MLX: variants seen among roughly 807,000 people sequenced by gnomAD.
MLX encodes the protein max-like protein X.
MLX carries 15 observed loss-of-function variants against 33.0 expected under a neutral mutation model. That is an observed-to-expected ratio of 0.45 (90% CI 0.30 to 0.70). MLX has a LOEUF of 0.70. Among genes scored for constraint, MLX ranks in the 30% least tolerant of loss-of-function variants. The pLI, the probability that MLX is intolerant of heterozygous loss-of-function variation, is 0.07. For missense variants in MLX, 285 were observed against 306.3 expected (o/e 0.93, Z 0.52); for synonymous variants, 115 against 115.6 (o/e 0.99, Z 0.03).
At chr17:42,567,448 CG>C in intron 1 of MLX, 170 bp from the exon 2 acceptor site, 3 of 1,386,522 alleles carry the variant, frequency 2.2e-6, no homozygotes, top group Non-Finnish European at 9.7e-7. Context: ...GTGCCAGTCT[CG>C]GGGGACTCAT....
At chr17:42,568,416 G>A in intron 2 of MLX, 54 bp from the exon 3 acceptor site, 1 of 1,258,902 alleles carries the variant, frequency 7.9e-7, no homozygotes, top group African/African-American at 1.5e-5. Flanking sequence ...GTGTCTGAGG[G>A]TCTGGCAATG....
intron 7 of MLX, 64 bp downstream of exon 7, chr17:42,570,247 C>A: frequency 6.5e-7 from 1 of 1,527,956 alleles, no homozygotes; most frequent in Non-Finnish European, 9.0e-7. Context: ...GTGGCCCAAG[C>A]CATCAGCTGT....
At chr17:42,569,788 G>A in intron 6 of MLX, 182 bp downstream of exon 6, 2 of 716,908 alleles carry the variant, frequency 2.8e-6, no homozygotes, top group East Asian at 2.7e-5. Context: ...GGAAATGCCT[G>A]TTGGATTAAT....
Position 42,572,513 on chromosome 17 carries a change from G to A in MLX, c.*910G>A. On this transcript the variant is annotated 3_prime_UTR_variant, in exon 8 of 8. Transcript: ENST00000435881. ...AAAGATACTTAAAAGGGCTCCTGGG[G>A]TACACAAGCCCAGCAGGTCCTGAGT... is the stretch of plus-strand genomic sequence containing the variant. The A allele has an allele frequency of 8.8e-6, 4 of 454,406 alleles. No homozygotes were observed. Among genetic ancestry groups the A allele is most frequent in the Non-Finnish European group, 1.8e-5 (4 of 226,724 alleles). The allele number at this position is 454,406 out of a possible 1,614,324, so 28.1% of individuals were successfully genotyped here.
intron 4 of MLX, 116 bp from the exon 5 acceptor site, chr17:42,569,087 AG>A: frequency 7.8e-7 from 1 of 1,277,784 alleles, no homozygotes; most frequent in South Asian, 1.2e-5. Flanking sequence ...CCTCCCTTGC[AG>A]CCTTCCCACC....
In MLX at chr17:42,570,267, C is replaced by T. The variant is rs974787117; in HGVS notation, c.678+84C>T. ...CCAAGCCATCAGCTGTTGAGAAAAG[C>T]GTGGCAGCTGCTTTTAGATCTTAAG... On this transcript the variant is annotated intron_variant, in intron 7 of 7. Coordinates refer to ENST00000435881, the MANE Select transcript of MLX (RefSeq NM_198204.2). The T allele has an allele frequency of 2.2e-5, 30 of 1,361,802 alleles. No individual in the cohort carries two copies. The Middle Eastern group carries it at 1.0e-3, about 46-fold the overall frequency. The allele number at this position is 1,361,802 out of a possible 1,614,324, so 84.4% of individuals were successfully genotyped here.
In MLX at chr17:42,573,063, G is replaced by T; in HGVS notation, c.*1460G>T. ...AGACAAGTGAATGAGATGTCACCAGGATAAGACCACAGGGAAGCAAAGAAG... is the reference window on the plus strand; with the variant it reads ...AGACAAGTGAATGAGATGTCACCAGTATAAGACCACAGGGAAGCAAAGAAG... On this transcript the variant is annotated 3_prime_UTR_variant, in exon 8 of 8. Coordinates refer to ENST00000435881, the MANE Select transcript of MLX (RefSeq NM_198204.2). The T allele has an allele frequency of 6.2e-7, 1 of 1,614,132 alleles. No individual in the cohort carries two copies. Among genetic ancestry groups the T allele is most frequent in the South Asian group, 1.1e-5 (1 of 91,080 alleles).
chr17:42,569,413 A>C, intron 5 of MLX, 94 bp from the exon 6 acceptor site: 1 of 1,488,882 alleles, frequency 6.7e-7, no homozygotes, highest in Non-Finnish European at 9.4e-7. Flanking sequence ...GCCATGGGAT[A>C]GTTGGGGTCT....
chr17:42,569,385 G>A (rs544151222), intron 5 of MLX, 82 bp downstream of exon 5: 79 of 1,522,736 alleles, frequency 5.2e-5, no homozygotes, highest in South Asian at 9.0e-5. Context: ...CCCATGGCTC[G>A]GCCTTGGTGT....
intron 4 of MLX, 23 bp downstream of exon 4, chr17:42,568,966 C>A: frequency 1.3e-6 from 2 of 1,591,210 alleles, no homozygotes; most frequent in Non-Finnish European, 1.7e-6. Context: ...GCCTGTGCCT[C>A]AGCCAGTGCG....
chr17:42,567,289 G>C, intron 1 of MLX, 123 bp downstream of exon 1: 1 of 1,361,810 alleles, frequency 7.3e-7, no homozygotes, highest in Non-Finnish European at 9.5e-7. Flanking sequence ...CCGTGCCCCG[G>C]GGCTGCAGAG....
chr17:42,567,894 A>T, intron 2 of MLX: 1 of 591,380 alleles, frequency 1.7e-6, no homozygotes, highest in Admixed American at 3.0e-5. Flanking sequence ...GGAGCAGCTG[A>T]TCACTCACAC....
intron 2 of MLX, chr17:42,567,889 A>G (rs2093015251): frequency 1.7e-6 from 1 of 590,812 alleles, no homozygotes; most frequent in Non-Finnish European, 3.0e-6. Context: ...TCAGTGGAGC[A>G]GCTGATCACT....
Position 42,570,109 on chromosome 17 carries a change from T to G in MLX, c.604T>G (p.Ser202Ala). 6.2e-7 allele frequency: 1 copy of G among 1,614,104 alleles called. No individual in the cohort carries two copies. The highest frequency in any genetic ancestry group is 8.5e-7 in the Non-Finnish European group (1 of 1,180,014). Residue 202 changes from serine to alanine, a missense_variant, in exon 7 of 8, where the codon TCC becomes GCC. Ser to Ala is a moderately conservative substitution (Grantham distance 99). Transcript: ENST00000435881. ...TTCCCTGTTCCAGTCCTTCAATGCC[T>G]CCATCTCAGTGGCCAGCTTCCAGGA... is the stretch of plus-strand genomic sequence containing the variant. ...MDSLFQSFNA[S>A]ISVASFQELS...
Position 42,571,545 on chromosome 17 carries a change from A to G in MLX, c.679-2A>G. The G allele has an allele frequency of 6.2e-7, 1 of 1,614,180 alleles. No individual in the cohort carries two copies. Among genetic ancestry groups the G allele is most frequent in the Non-Finnish European group, 8.5e-7 (1 of 1,180,022 alleles). ...TATTTCTTCCTCTGCTGCCCTCGCC[A>G]GACCCTGCGGGAGATTGTGATTGGC... On this transcript the variant is annotated splice_acceptor_variant, in intron 7 of 7. Transcript: ENST00000435881. LOFTEE classifies it high-confidence loss of function.
chr17:42,572,763 A>G lies in MLX; in HGVS notation c.*1160A>G, dbSNP rs1465992144. 10 of 691,672 alleles carry G rather than the reference A, an allele frequency of 1.4e-5. No individual in the cohort carries two copies. The highest frequency in any genetic ancestry group is 2.6e-5 in the Non-Finnish European group (10 of 381,020). 42.8% of individuals were successfully genotyped at this position (691,672 alleles called of 1,614,324 possible). Reference sequence around the variant, plus strand: ...ACCTCAAGCTACTGCAATTTAGACAATGAAATGGGCTGGGTCTACCCCCAG... The same window carrying G: ...ACCTCAAGCTACTGCAATTTAGACAGTGAAATGGGCTGGGTCTACCCCCAG... On this transcript the variant is annotated 3_prime_UTR_variant, in exon 8 of 8. Transcript: ENST00000435881.
rs1200374387 is a variant in MLX at position 42,571,636 on chromosome 17, A to G, written c.*33A>G. ...TTGGAAACCTGGAGAACAGCCAACA[A>G]GAGGCCCTTGAATCTCTACGTGGCC... On this transcript the variant is annotated 3_prime_UTR_variant, in exon 8 of 8. Transcript: ENST00000435881. The G allele has an allele frequency of 1.9e-6, 3 of 1,593,436 alleles. No homozygotes were observed. Among genetic ancestry groups the G allele is most frequent in the East Asian group, 2.2e-5 (1 of 44,880 alleles).
Position 42,567,455 on chromosome 17 carries a change from C to T in MLX, c.43-164C>T, listed in dbSNP as rs935696307. The T allele has an allele frequency of 8.9e-5, 124 of 1,389,226 alleles. 1 individual carries two copies. In the Middle Eastern group the frequency reaches 1.3e-3, roughly 15 times the overall value. The allele number at this position is 1,389,226 out of a possible 1,614,324, so 86.1% of individuals were successfully genotyped here. A position where few individuals can be genotyped will look rare whatever the true frequency, so the allele number is the denominator to read the frequency against. ...CCTAGCCTGTGCCAGTCTCGGGGGACTCATTAAGCTGCCCGCGCACCCCGG... is the reference window on the plus strand; with the variant it reads ...CCTAGCCTGTGCCAGTCTCGGGGGATTCATTAAGCTGCCCGCGCACCCCGG... On this transcript the variant is annotated intron_variant, in intron 1 of 7. Transcript: ENST00000435881.
chr17:42,570,387 G>T (rs562890451), intron 7 of MLX, among the ~76,000 whole-genome samples: 1 of 152,256 alleles, frequency 6.6e-6, no homozygotes, highest in East Asian at 1.9e-4. Context: ...CAAGTGTGAC[G>T]TGAGCTCAAT....
Sources: gnomAD v4.1 joint callset for allele counts (sites outside exome capture counted in the v4.1 genomes callset) on GRCh38, gnomAD v4.1.1 for gene constraint, MANE v1.5 for transcripts, NCBI Gene and HGNC (gene_info 2026-07-23, HGNC 2026-07-21) for gene names.